ROR2: variants seen among roughly 807,000 people sequenced by gnomAD.
ROR2 encodes ROR family WNT receptor 2.
In ROR2, 33 loss-of-function variants were observed where a neutral mutation model predicts 74.9. That is an observed-to-expected ratio of 0.44 (90% CI 0.33 to 0.59). The LOEUF (loss-of-function observed/expected upper bound fraction) is 0.59. ROR2 is among the 20% of genes least tolerant of loss of function. The pLI, the probability that ROR2 is intolerant of heterozygous loss-of-function variation, is 0.02. For synonymous variants in ROR2, 586 were observed against 558.7 expected, an observed-to-expected ratio of 1.05 and a Z score of -0.69; for missense variants, 1,216 against 1,313.8, an observed-to-expected ratio of 0.93 and a Z score of 1.15.
chr9:91,899,501 C>A (rs1830618816), intron 1 of ROR2, among the ~76,000 whole-genome samples: 1 of 152,134 alleles, frequency 6.6e-6, no homozygotes, highest in African/African-American at 2.4e-5. Flanking sequence ...CAGGTGCACA[C>A]ATGGGGTAAA....
intron 2 of ROR2, among the ~76,000 whole-genome samples, chr9:91,767,731 C>G (rs1480297691): frequency 1.3e-5 from 2 of 152,216 alleles, no homozygotes; most frequent in African/African-American, 4.8e-5. Context: ...TGCAGAAAAC[C>G]AGGGGCAGTG....
intron 1 of ROR2, among the ~76,000 whole-genome samples, chr9:91,786,348 C>CAATAAGTA (rs773512001): frequency 1.1e-5 from 1 of 90,628 alleles, no homozygotes; most frequent in African/African-American, 3.6e-5. Flanking sequence ...ATCAATCAAT[C>CAATAAGTA]AATAAGTAAA....
At chr9:91,793,202 C>T (rs1025420147) in intron 1 of ROR2, among the ~76,000 whole-genome samples, 5 of 152,072 alleles carry the variant, frequency 3.3e-5, no homozygotes, top group African/African-American at 4.8e-5. Flanking sequence ...GGAGTAATGT[C>T]TATTACTCCA....
intron 7 of ROR2, among the ~76,000 whole-genome samples, chr9:91,727,800 G>A (rs1051184566): frequency 2.6e-5 from 4 of 152,186 alleles, no homozygotes; most frequent in African/African-American, 9.7e-5. Flanking sequence ...GTCAGTGTGA[G>A]GCCTAAAAGA....
intron 2 of ROR2, among the ~76,000 whole-genome samples, chr9:91,773,934 A>G (rs973697991): frequency 6.6e-6 from 1 of 152,230 alleles, no homozygotes; most frequent in African/African-American, 2.4e-5. Context: ...TCAGAATTTT[A>G]TCATGACCTG....
Position 91,733,104 on chromosome 9 carries a change from G to T in ROR2, c.937+18C>A. ...TCCCTGCGCCCCCCGGTCCCGCCCC[G>T]GGCCCTCGGGCACTCACAGCGGCCC... is the stretch of plus-strand genomic sequence containing the variant. On this transcript the variant is annotated intron_variant, in intron 6 of 8. Coordinates refer to ENST00000375708, the MANE Select transcript of ROR2 (RefSeq NM_004560.4). This position sits in a 1 kb window ranked among gnomAD's most constrained non-coding sequence, Gnocchi z 5.7. 1 of 1,575,258 alleles carries T rather than the reference G, an allele frequency of 6.3e-7. No individual in the cohort carries two copies. Among genetic ancestry groups the T allele is most frequent in the South Asian group, 1.2e-5 (1 of 86,934 alleles).
At chr9:91,927,843 C>T (rs1443501109) in intron 1 of ROR2, among the ~76,000 whole-genome samples, 5 of 152,176 alleles carry the variant, frequency 3.3e-5, no homozygotes, top group South Asian at 2.1e-4. Context: ...GGATTACAGG[C>T]GTGAGCCACC....
At chr9:91,836,539 C>CAAAAAAAAAA (rs753563302) in intron 1 of ROR2, among the ~76,000 whole-genome samples, 8 of 102,480 alleles carry the variant, frequency 7.8e-5, no homozygotes, top group Admixed American at 2.2e-4. Context: ...GATTCCATCT[C>CAAAAAAAAAA]AAAAAAAAAA....
chr9:91,819,546 T>C (rs1828067684), intron 1 of ROR2, among the ~76,000 whole-genome samples: 1 of 151,970 alleles, frequency 6.6e-6, no homozygotes, highest in Non-Finnish European at 1.5e-5. Flanking sequence ...TGTCTTTGAG[T>C]GTGTATCTTT....
chr9:91,723,808 C>T lies in ROR2; in HGVS notation c.2686G>A (p.Asp896Asn). The change falls in exon 9 of 9, where the codon GAC (aspartate) becomes AAC (asparagine). Residue 896 changes from aspartate (D) to asparagine (N), a missense_variant. Transcript: ENST00000375708. ...RAALLSEGAD[D>N]TQNAPEDGAQ... Reference sequence around the variant, plus strand: ...CCATCTTCTGGGGCGTTCTGTGTGTCATCAGCGCCCTCTGAGAGCAGGGCT... The same window carrying T: ...CCATCTTCTGGGGCGTTCTGTGTGTTATCAGCGCCCTCTGAGAGCAGGGCT... 6.2e-7 allele frequency: 1 copy of T among 1,613,936 alleles called. No homozygotes were observed. Among genetic ancestry groups the T allele is most frequent in the Non-Finnish European group, 8.5e-7 (1 of 1,180,048 alleles).
intron 1 of ROR2, among the ~76,000 whole-genome samples, chr9:91,782,553 A>G (rs2118965662): frequency 6.7e-6 from 1 of 149,790 alleles, no homozygotes; most frequent in South Asian, 2.1e-4. Context: ...GGCCACACGT[A>G]AAATATACTA....
In ROR2 at chr9:91,756,669, G is replaced by A. The variant is rs189758568; in HGVS notation, c.464-568C>T. On this transcript the variant is annotated intron_variant, in intron 3 of 8. Transcript: ENST00000375708. ...TTCCTGCTAAACACCTCAGCTCCTC[G>A]TGTGTGCCTGGGATTGTCTTCTGGG... 9.5e-4 allele frequency among the ~76,000 whole-genome samples: 143 copies of A among 151,258 alleles called. 2 individuals are homozygous for A. Among genetic ancestry groups the A allele is most frequent in the African/African-American group, 2.8e-3 (117 of 41,236 alleles).
Position 91,876,488 on chromosome 9 carries a change from C to G in ROR2, c.97+73379G>C, listed in dbSNP as rs78799483. Among the ~76,000 whole-genome samples the G allele has an allele frequency of 5.7e-4, 87 of 152,280 alleles. No individual in the cohort carries two copies. The East Asian group carries it at 0.016, about 29-fold the overall frequency. ...CCAAATGTGAAGTGAAGTTCACCATCCACGCATGCAAACTCTCCAATTGTG... is the reference window on the plus strand; with the variant it reads ...CCAAATGTGAAGTGAAGTTCACCATGCACGCATGCAAACTCTCCAATTGTG... On this transcript the variant is annotated intron_variant, in intron 1 of 8. Coordinates refer to ENST00000375708, the MANE Select transcript of ROR2 (RefSeq NM_004560.4).
chr9:91,941,489 T>C (rs75076910), intron 1 of ROR2, among the ~76,000 whole-genome samples: 4,593 of 152,278 alleles, frequency 0.03, 130 homozygotes, highest in South Asian at 0.11. Flanking sequence ...AGCGTGTATG[T>C]CCTATGAGTA....
chr9:91,858,442 C>A lies in ROR2; in HGVS notation c.98-82624G>T, dbSNP rs143241516. Among the ~76,000 whole-genome samples the A allele has an allele frequency of 2.4e-3, 359 of 151,522 alleles. 3 individuals are homozygous for A. Among genetic ancestry groups the A allele is most frequent in the African/African-American group, 8.2e-3 (333 of 40,842 alleles). On this transcript the variant is annotated intron_variant, in intron 1 of 8. Transcript: ENST00000375708. ...ACAGGCGCGCACAGGGCACACACCC[C>A]ACAGAGCAGTGGTTCTCAAAGTGCC...
intron 1 of ROR2, among the ~76,000 whole-genome samples, chr9:91,788,402 A>C (rs1826864899): frequency 6.6e-6 from 1 of 152,238 alleles, no homozygotes; most frequent in South Asian, 2.1e-4. Flanking sequence ...ATCCACGACC[A>C]GGCACATCAT....
Position 91,733,085 on chromosome 9 carries a change from C to A in ROR2, c.937+37G>T. ...CATTTCAAGGGCCCTACACTCCCTG[C>A]GCCCCCCGGTCCCGCCCCGGGCCCT... On this transcript the variant is annotated intron_variant, in intron 6 of 8. Transcript: ENST00000375708. The surrounding 1 kb of genome is among the most constrained non-coding windows in gnomAD (Gnocchi z 5.7). 1.3e-6 allele frequency: 2 copies of A among 1,540,586 alleles called. No homozygotes were observed. The highest frequency in any genetic ancestry group is 1.2e-5 in the South Asian group (1 of 84,634).
At position 91,726,962 on chromosome 9, in the gene ROR2, T is replaced by G. The variant is rs137888006; in HGVS notation, c.1184-219A>C. 5.0e-4 allele frequency among the ~76,000 whole-genome samples: 76 copies of G among 152,166 alleles called. No homozygotes were observed. The East Asian group carries it at 0.014, about 27-fold the overall frequency. ...ATCCTGGGGAAACAAAACCCAAAAC[T>G]GCCCAACCTGGAAACAAGCGGGAAT... On this transcript the variant is annotated intron_variant, in intron 7 of 8. Transcript: ENST00000375708.
intron 1 of ROR2, among the ~76,000 whole-genome samples, chr9:91,868,646 C>T (rs1442043978): frequency 6.6e-6 from 1 of 152,090 alleles, no homozygotes; most frequent in Non-Finnish European, 1.5e-5. Flanking sequence ...ACAATGAAGG[C>T]CAGAAGGATG....
Sources: allele counts gnomAD v4.1 joint callset (sites outside exome capture counted in the v4.1 genomes callset), GRCh38; gene constraint gnomAD v4.1.1; non-coding constraint Gnocchi (gnomAD v3.1); transcripts MANE v1.5; gene names NCBI Gene and HGNC (gene_info 2026-07-23, HGNC 2026-07-21).